Variants in UBE2H observed in about 807,000 individuals in gnomAD.
The protein encoded by UBE2H is ubiquitin conjugating enzyme E2 H, also known as ubiquitin-conjugating enzyme E2 H.
UBE2H carries 3 observed loss-of-function variants against 29.0 expected under a neutral mutation model. The observed-to-expected ratio is 0.10, with a 90% confidence interval of 0.05 to 0.27. The LOEUF (loss-of-function observed/expected upper bound fraction) is 0.27, where lower values mean the gene tolerates loss of function less well. UBE2H is among the 10% of genes least tolerant of loss of function. The probability of loss-of-function intolerance (pLI) is 1.00; values close to 1 mark genes in which losing one functional copy is unlikely to be tolerated. For missense variants in UBE2H, 68 were observed against 228.2 expected (o/e 0.30, Z 4.52); for synonymous variants, 69 against 82.9 (o/e 0.83, Z 0.91).
chr7:129,851,142 TGCA>T (rs1480300306), intron 5 of UBE2H, among the ~76,000 whole-genome samples: 18 of 152,262 alleles, frequency 1.2e-4, no homozygotes. Context: ...TTCAGAGAGT[TGCA>T]GAAGAAAATA....
chr7:129,887,633 C>G (rs1806390451), intron 1 of UBE2H, among the ~76,000 whole-genome samples: 2 of 152,076 alleles, frequency 1.3e-5, no homozygotes, highest in African/African-American at 4.8e-5. Flanking sequence ...AGCAAGTGAT[C>G]CAGTATTTAA....
At chr7:129,903,026 T>C (rs191525318) in intron 1 of UBE2H, among the ~76,000 whole-genome samples, 2 of 152,340 alleles carry the variant, frequency 1.3e-5, no homozygotes, top group Admixed American at 6.5e-5. Flanking sequence ...CTACTCACTG[T>C]GGCTCCCTGC....
chr7:129,859,733 T>C (rs953515091), intron 3 of UBE2H, among the ~76,000 whole-genome samples: 20 of 152,246 alleles, frequency 1.3e-4, no homozygotes. Context: ...CAGAGATCCA[T>C]TGTCAAAGGT....
intron 1 of UBE2H, among the ~76,000 whole-genome samples, chr7:129,914,840 T>C (rs1272758784): frequency 1.3e-5 from 2 of 152,180 alleles, no homozygotes; most frequent in East Asian, 1.9e-4. Context: ...TGGCATGAGA[T>C]AGGGGCCTAA....
intron 1 of UBE2H, among the ~76,000 whole-genome samples, chr7:129,899,622 A>T (rs1035174447): frequency 6.6e-6 from 1 of 152,196 alleles, no homozygotes; most frequent in Admixed American, 6.5e-5. Context: ...ACTTACTAAG[A>T]TATGAAGCAC....
At chr7:129,906,811 G>A (rs1013172780) in intron 1 of UBE2H, among the ~76,000 whole-genome samples, 7 of 152,190 alleles carry the variant, frequency 4.6e-5, no homozygotes, top group African/African-American at 1.4e-4. Flanking sequence ...AAAGCTGGTT[G>A]AGAGAAACAA....
At chr7:129,859,392 A>G (rs12538787) in intron 3 of UBE2H, among the ~76,000 whole-genome samples, 9,667 of 152,268 alleles carry the variant, frequency 0.063, 363 homozygotes, top group Non-Finnish European at 0.091. Context: ...TGCACTGTGC[A>G]CGGAACATGA....
At chr7:129,884,159 T>C (rs1028967329) in intron 1 of UBE2H, among the ~76,000 whole-genome samples, 1 of 152,130 alleles carries the variant, frequency 6.6e-6, no homozygotes, top group African/African-American at 2.4e-5. Flanking sequence ...GGCTCACACC[T>C]GTAATCCCAA....
chr7:129,922,285 G>A (rs1043024940), intron 1 of UBE2H, among the ~76,000 whole-genome samples: 1 of 149,148 alleles, frequency 6.7e-6, no homozygotes, highest in Non-Finnish European at 1.5e-5. Flanking sequence ...ACCGTGCCTG[G>A]CCTTTTAATT....
At chr7:129,842,089 G>C (rs927926315) in intron 5 of UBE2H, among the ~76,000 whole-genome samples, 7 of 152,174 alleles carry the variant, frequency 4.6e-5, no homozygotes, top group African/African-American at 1.7e-4. Context: ...GCTACCTCAA[G>C]GCAATAGATG....
At chr7:129,947,517 T>C (rs896974993) in intron 1 of UBE2H, among the ~76,000 whole-genome samples, 3 of 152,214 alleles carry the variant, frequency 2.0e-5, no homozygotes, top group Non-Finnish European at 4.4e-5. Flanking sequence ...ATAGAGTAAC[T>C]ACTGATTAAC....
intron 3 of UBE2H, among the ~76,000 whole-genome samples, chr7:129,866,125 G>A (rs1041451188): frequency 6.6e-6 from 1 of 152,108 alleles, no homozygotes; most frequent in Non-Finnish European, 1.5e-5. Context: ...ATGGACCTGG[G>A]CCTGTCTCTT....
intron 1 of UBE2H, among the ~76,000 whole-genome samples, chr7:129,945,311 T>C (rs1202310997): frequency 2.6e-5 from 4 of 152,258 alleles, no homozygotes; most frequent in African/African-American, 7.2e-5. Context: ...AAACTAATTC[T>C]ACAGTTCCTG....
intron 1 of UBE2H, among the ~76,000 whole-genome samples, chr7:129,943,481 T>C (rs1807688654): frequency 6.6e-6 from 1 of 152,210 alleles, no homozygotes; most frequent in Admixed American, 6.6e-5. Context: ...CAAATTCAGC[T>C]AGAAATCAAT....
intron 1 of UBE2H, among the ~76,000 whole-genome samples, chr7:129,936,938 A>G (rs1024678356): frequency 6.6e-6 from 1 of 151,912 alleles, no homozygotes; most frequent in Non-Finnish European, 1.5e-5. Context: ...AGATCACGCC[A>G]CTATACTCCA....
At chr7:129,865,250 G>A (rs1194515678) in intron 3 of UBE2H, among the ~76,000 whole-genome samples, 1 of 151,974 alleles carries the variant, frequency 6.6e-6, no homozygotes, top group African/African-American at 2.4e-5. Context: ...AAATAACATT[G>A]TGCTAAGTCA....
chr7:129,916,139 T>A (rs991790474), intron 1 of UBE2H, among the ~76,000 whole-genome samples: 4 of 152,200 alleles, frequency 2.6e-5, no homozygotes, highest in Non-Finnish European at 5.9e-5. Context: ...CAGCTTTTTT[T>A]ATATAGGCAG....
At chr7:129,924,351 G>C (rs1431685589) in intron 1 of UBE2H, among the ~76,000 whole-genome samples, 7 of 152,142 alleles carry the variant, frequency 4.6e-5, no homozygotes, top group Non-Finnish European at 1.0e-4. Context: ...ACAGGTTTCT[G>C]AATGTGAAAT....
chr7:129,921,672 T>C (rs1479831728), intron 1 of UBE2H, among the ~76,000 whole-genome samples: 4 of 119,412 alleles, frequency 3.3e-5, no homozygotes, highest in Admixed American at 1.1e-4. Context: ...GCATCTAGCC[T>C]GGGCAACAAG....
Sources: gnomAD v4.1 joint callset for allele counts (sites outside exome capture counted in the v4.1 genomes callset) on GRCh38, gnomAD v4.1.1 for gene constraint, MANE v1.5 for transcripts, NCBI Gene and HGNC (gene_info 2026-07-23, HGNC 2026-07-21) for gene names.